Variants in CATSPERE observed in about 807,000 individuals in gnomAD.
The protein encoded by CATSPERE is cation channel sperm-associated auxiliary subunit epsilon.
In CATSPERE, 93 loss-of-function variants were observed where a neutral mutation model predicts 114.1. The ratio of observed to expected loss-of-function variants is 0.81; its 90% confidence interval spans 0.69 to 0.97. The LOEUF (loss-of-function observed/expected upper bound fraction) is 0.97, where lower values mean the gene tolerates loss of function less well. Among genes scored for constraint, CATSPERE ranks in the 50% least tolerant of loss-of-function variants. The pLI, the probability that CATSPERE is intolerant of heterozygous loss-of-function variation, is 0.00. For synonymous variants in CATSPERE, 341 were observed against 384.1 expected, an observed-to-expected ratio of 0.89 and a Z score of 1.31; for missense variants, 1,058 against 1,131.6, an observed-to-expected ratio of 0.93 and a Z score of 0.93.
At chr1:244,523,663 A>C (rs1471669362) in intron 8 of CATSPERE, among the ~76,000 whole-genome samples, 2 of 138,146 alleles carry the variant, frequency 1.4e-5, no homozygotes, top group African/African-American at 6.2e-5. Context: ...ATCAATGTAC[A>C]AAAATCACAA....
intron 6 of CATSPERE, among the ~76,000 whole-genome samples, chr1:244,498,638 C>G (rs1218424657): frequency 2.0e-5 from 3 of 152,172 alleles, no homozygotes; most frequent in African/African-American, 7.2e-5. Context: ...TGGCTCACGC[C>G]TGTAATCGCA....
At chr1:244,594,133 A>G (rs997568472) in intron 17 of CATSPERE, among the ~76,000 whole-genome samples, 1 of 152,136 alleles carries the variant, frequency 6.6e-6, no homozygotes, top group Admixed American at 6.5e-5. Flanking sequence ...CAGCATAGGC[A>G]ACATAGCAAG....
intron 20 of CATSPERE, among the ~76,000 whole-genome samples, chr1:244,625,803 G>A (rs1043306593): frequency 3.3e-5 from 5 of 149,762 alleles, no homozygotes; most frequent in Admixed American, 2.7e-4. Flanking sequence ...TGCCCAATCT[G>A]GTTTCAAACT....
At chr1:244,464,543 A>G (rs965474596) in intron 2 of CATSPERE, among the ~76,000 whole-genome samples, 1 of 152,194 alleles carries the variant, frequency 6.6e-6, no homozygotes, top group East Asian at 1.9e-4. Context: ...TATGTAGCCA[A>G]ATAGAGTTGC....
intron 8 of CATSPERE, among the ~76,000 whole-genome samples, chr1:244,532,885 T>C (rs755556907): frequency 1.3e-5 from 2 of 152,148 alleles, no homozygotes; most frequent in Non-Finnish European, 2.9e-5. Flanking sequence ...TGGTCTGTAG[T>C]GGAGATTAAG....
intron 19 of CATSPERE, 79 bp from the exon 20 acceptor site, chr1:244,617,450 C>A (rs1671540143): frequency 6.2e-6 from 7 of 1,132,532 alleles, no homozygotes; most frequent in Non-Finnish European, 8.4e-6. Flanking sequence ...AAATAATTTT[C>A]CAAGATAAAT....
chr1:244,563,341 G>A (rs1252532838), intron 10 of CATSPERE, among the ~76,000 whole-genome samples: 1 of 152,204 alleles, frequency 6.6e-6, no homozygotes, highest in Non-Finnish European at 1.5e-5. Context: ...AGTTGCCACA[G>A]TGTCTTCCAC....
rs781665271 is a variant in CATSPERE, at chr1:244,588,566, C to CT, written c.2138+35dup. Reference sequence around the variant, plus strand: ...ATATTTCCATTTGACCTGTGTTACTCTTTAAGTTTTAAAACAAATGGTAAA... The same window carrying CT: ...ATATTTCCATTTGACCTGTGTTACTCTTTTAAGTTTTAAAACAAATGGTAAA... On this transcript the variant is annotated intron_variant, in intron 14 of 21. Transcript: ENST00000366534. 57 of 1,523,212 alleles carry CT rather than the reference C, an allele frequency of 3.7e-5. 3 individuals carry two copies. The Middle Eastern group carries it at 4.7e-3, about 127-fold the overall frequency. 94.4% of individuals were successfully genotyped at this position (1,523,212 alleles called of 1,614,324 possible).
intron 11 of CATSPERE, among the ~76,000 whole-genome samples, chr1:244,579,059 A>T (rs7513362): frequency 0.061 from 9,093 of 149,772 alleles, 907 homozygotes; most frequent in African/African-American, 0.21. Flanking sequence ...TAAACATGAT[A>T]AAAAAAATAT....
intron 6 of CATSPERE, among the ~76,000 whole-genome samples, chr1:244,493,470 C>A (rs1305926139): frequency 6.6e-6 from 1 of 151,956 alleles, no homozygotes; most frequent in Non-Finnish European, 1.5e-5. Context: ...TAAAGACTTA[C>A]ATGTTAGACC....
At chr1:244,490,955 C>T (rs1424168211) in intron 6 of CATSPERE, among the ~76,000 whole-genome samples, 1 of 152,076 alleles carries the variant, frequency 6.6e-6, no homozygotes, top group African/African-American at 2.4e-5. Context: ...ATCTAAACCA[C>T]ATAAAACAAA....
At chr1:244,509,879 T>A (rs550451487) in intron 7 of CATSPERE, among the ~76,000 whole-genome samples, 3 of 152,318 alleles carry the variant, frequency 2.0e-5, no homozygotes, top group African/African-American at 7.2e-5. Flanking sequence ...GGTTCATAAA[T>A]AGTCCTTAAG....
intron 13 of CATSPERE, among the ~76,000 whole-genome samples, chr1:244,584,317 T>G (rs921434441): frequency 2.6e-5 from 4 of 152,074 alleles, no homozygotes; most frequent in African/African-American, 9.7e-5. Context: ...CATTTTATTA[T>G]GGAAAATGGT....
intron 17 of CATSPERE, among the ~76,000 whole-genome samples, chr1:244,595,864 C>T (rs1234869220): frequency 6.6e-6 from 1 of 152,004 alleles, no homozygotes. Context: ...ACCCAGGAGG[C>T]GGAGCTTGCA....
chr1:244,545,631 A>G (rs1659631780), intron 8 of CATSPERE, among the ~76,000 whole-genome samples: 1 of 152,202 alleles, frequency 6.6e-6, no homozygotes, highest in South Asian at 2.1e-4. Flanking sequence ...TTCTTGGCCT[A>G]CTATTGGGCT....
intron 5 of CATSPERE, among the ~76,000 whole-genome samples, chr1:244,481,242 G>T (rs1221413391): frequency 6.6e-6 from 1 of 152,168 alleles, no homozygotes; most frequent in African/African-American, 2.4e-5. Flanking sequence ...GAAGTCAGGA[G>T]TTCAAGACCA....
Position 244,560,908 on chromosome 1 carries a change from T to G in CATSPERE, c.1270T>G (p.Tyr424Asp). 3 of 1,614,090 alleles carry G rather than the reference T, an allele frequency of 1.9e-6. No individual in the cohort carries two copies. In the East Asian group the frequency reaches 6.7e-5, roughly 36 times the overall value. The change falls in exon 10 of 22, where the codon TAT becomes GAT. Residue 424 changes from tyrosine to aspartate, a missense_variant. This residue lies in a region of CATSPERE where 787 missense variants were observed against 905.6 expected (regional missense o/e 0.87). Coordinates refer to ENST00000366534, the MANE Select transcript of CATSPERE (RefSeq NM_001130957.2). The stretch of plus-strand genomic sequence containing the variant: ...CACCAAAAAGATTTTCTTAGTGATA[T>G]ATAATGAAGATACAAAACAGTGGGT... ...NVTKKIFLVI[Y>D]NEDTKQWVSQ...
rs552090338 is a variant in CATSPERE at position 244,455,253 on chromosome 1, G to A, written n.237+640G>A. Among the ~76,000 whole-genome samples, 228 of 152,002 alleles carry A rather than the reference G, an allele frequency of 1.5e-3. 1 individual carries two copies. Among genetic ancestry groups the A allele is most frequent in the African/African-American group, 5.3e-3 (220 of 41,428 alleles). On this transcript the variant is annotated intron_variant and non_coding_transcript_variant, in intron 1 of 15. Transcript: ENST00000473875. ...AACTTTGCCATTTATTGAGGTTCCC[G>A]CGTCCCCCCGCTCCCATGAATAGCT...
At chr1:244,606,705 G>A (rs567700944) in intron 18 of CATSPERE, among the ~76,000 whole-genome samples, 10 of 150,678 alleles carry the variant, frequency 6.6e-5, no homozygotes, top group East Asian at 2.0e-4. Flanking sequence ...GGGCTCAAGC[G>A]ATTCTCCTGC....
Sources: allele counts gnomAD v4.1 joint callset (sites outside exome capture counted in the v4.1 genomes callset), GRCh38; gene constraint gnomAD v4.1.1; regional missense constraint gnomAD v4.1.1; transcripts MANE v1.5; gene names NCBI Gene and HGNC (gene_info 2026-07-23, HGNC 2026-07-21).